The following SLC1A1 variants were observed in gnomAD, a reference collection of about 807,000 sequenced individuals.
SLC1A1 encodes the protein solute carrier family 1 member 1.
Under a neutral mutation model 53.3 loss-of-function variants are expected in SLC1A1, and 43 were observed. That is an observed-to-expected ratio of 0.81 (90% CI 0.63 to 1.04). The LOEUF is 1.04. SLC1A1 is among the 50% of genes least tolerant of loss of function. SLC1A1 has a pLI of 0.00. For missense variants in SLC1A1, 748 were observed against 664.9 expected, an observed-to-expected ratio of 1.12 and a Z score of -1.37; for synonymous variants, 307 against 243.2, an observed-to-expected ratio of 1.26 and a Z score of -2.44.
At chr9:4,550,969 A>G (rs1402277139) in intron 2 of SLC1A1, among the ~76,000 whole-genome samples, 1 of 152,238 alleles carries the variant, frequency 6.6e-6, no homozygotes, top group Non-Finnish European at 1.5e-5. Context: ...TTACAAAAAC[A>G]GGAGGCCAGC....
intron 1 of SLC1A1, among the ~76,000 whole-genome samples, chr9:4,511,599 A>T (rs965424616): frequency 6.8e-6 from 1 of 147,754 alleles, no homozygotes; most frequent in Non-Finnish European, 1.5e-5. Context: ...ACACACACAC[A>T]CTACACTACA....
Position 4,568,126 on chromosome 9 carries a change from G to A in SLC1A1, c.582+359G>A, listed in dbSNP as rs149257105. Among the ~76,000 whole-genome samples, 1,115 of 152,178 alleles carry A rather than the reference G, an allele frequency of 7.3e-3. 8 individuals carry two copies. The highest frequency in any genetic ancestry group is 0.025 in the African/African-American group (1,023 of 41,532). Reference sequence around the variant, plus strand: ...ATTTTTCTTGCTGATTTCGCTGTTTGAAATGGACCAAGGTGGGGTTCAGTG... The same window carrying A: ...ATTTTTCTTGCTGATTTCGCTGTTTAAAATGGACCAAGGTGGGGTTCAGTG... On this transcript the variant is annotated intron_variant, in intron 6 of 11. Coordinates refer to ENST00000262352, the MANE Select transcript of SLC1A1 (RefSeq NM_004170.6).
chr9:4,570,512 A>G (rs957305933), intron 6 of SLC1A1, among the ~76,000 whole-genome samples: 7 of 151,846 alleles, frequency 4.6e-5, no homozygotes, highest in Non-Finnish European at 8.8e-5. Flanking sequence ...CTGGGATTAC[A>G]GGCACGTGCC....
rs548691424 is a variant in SLC1A1, at chr9:4,577,624, C to T, written c.1193+861C>T. Among the ~76,000 whole-genome samples the T allele has an allele frequency of 7.8e-4, 119 of 152,232 alleles. 1 individual carries two copies. The highest frequency in any genetic ancestry group is 2.6e-3 in the African/African-American group (108 of 41,554). Reference sequence around the variant, plus strand: ...CTGAGTAGCTGGGACTACAGGCGTGCACCACCACACCTGGCTAATTTTTGA... The same window carrying T: ...CTGAGTAGCTGGGACTACAGGCGTGTACCACCACACCTGGCTAATTTTTGA... On this transcript the variant is annotated intron_variant, in intron 10 of 11. Coordinates refer to ENST00000262352, the MANE Select transcript of SLC1A1 (RefSeq NM_004170.6).
At chr9:4,536,132 G>C (rs1816664325) in intron 1 of SLC1A1, among the ~76,000 whole-genome samples, 1 of 152,124 alleles carries the variant, frequency 6.6e-6, no homozygotes, top group Non-Finnish European at 1.5e-5. Flanking sequence ...ACATCGGCAT[G>C]GGCAAGGACT....
intron 11 of SLC1A1, 79 bp from the exon 12 acceptor site, chr9:4,585,233 G>A: frequency 1.3e-6 from 2 of 1,577,112 alleles, no homozygotes; most frequent in Non-Finnish European, 1.7e-6. Flanking sequence ...AACTGAACAT[G>A]TCAGGTCCTT....
intron 1 of SLC1A1, among the ~76,000 whole-genome samples, chr9:4,491,296 C>T (rs1208610651): frequency 6.6e-6 from 1 of 152,168 alleles, no homozygotes; most frequent in Non-Finnish European, 1.5e-5. Flanking sequence ...TCATCCTGGG[C>T]AGTGCGTGGA....
intron 1 of SLC1A1, among the ~76,000 whole-genome samples, chr9:4,500,983 G>A (rs1420404183): frequency 6.6e-6 from 1 of 152,090 alleles, no homozygotes; most frequent in Non-Finnish European, 1.5e-5. Flanking sequence ...ACAGTGCCCT[G>A]TTCTCTACCA....
At chr9:4,565,971 T>C in intron 4 of SLC1A1, 76 bp from the exon 5 acceptor site, 1 of 1,107,450 alleles carries the variant, frequency 9.0e-7, no homozygotes, top group Non-Finnish European at 1.4e-6. Flanking sequence ...GTTATACTAA[T>C]TTCTACCAAT....
At chr9:4,544,770 C>A in intron 2 of SLC1A1, 63 bp downstream of exon 2, 1 of 1,318,976 alleles carries the variant, frequency 7.6e-7, no homozygotes, top group South Asian at 1.2e-5. Context: ...AAAGAACTTC[C>A]TGAGACTAGG....
rs1003613215 is a variant in SLC1A1, at chr9:4,556,763, T to C, written c.233-4686T>C. 6.6e-6 allele frequency among the ~76,000 whole-genome samples: 1 copy of C among 152,108 alleles called. No individual in the cohort carries two copies. Among genetic ancestry groups the C allele is most frequent in the African/African-American group, 2.4e-5 (1 of 41,406 alleles). On this transcript the variant is annotated intron_variant, in intron 2 of 11. Transcript: ENST00000262352. The surrounding 1 kb of genome is among the most constrained non-coding windows in gnomAD (Gnocchi z 4.1). Reference sequence around the variant, plus strand: ...TCGTCCCCAAGGCAGCAAAAGCTGTTTTTATTTGGTGGTGGTGAGTTGGGG... The same window carrying C: ...TCGTCCCCAAGGCAGCAAAAGCTGTCTTTATTTGGTGGTGGTGAGTTGGGG...
At chr9:4,570,693 G>T (rs1243064460) in intron 6 of SLC1A1, among the ~76,000 whole-genome samples, 2 of 152,036 alleles carry the variant, frequency 1.3e-5, no homozygotes, top group African/African-American at 4.8e-5. Context: ...TATAAACATA[G>T]TTGGCACCAC....
chr9:4,513,802 T>C (rs574673861), intron 1 of SLC1A1, among the ~76,000 whole-genome samples: 39 of 152,330 alleles, frequency 2.6e-4, no homozygotes, highest in African/African-American at 8.9e-4. Flanking sequence ...ACGAGTCAAA[T>C]ATTCTTCAAT....
intron 10 of SLC1A1, among the ~76,000 whole-genome samples, chr9:4,581,578 C>A (rs974543908): frequency 6.6e-6 from 1 of 152,198 alleles, no homozygotes; most frequent in Non-Finnish European, 1.5e-5. Flanking sequence ...GATCAGCTGG[C>A]ATGGACACAA....
chr9:4,499,694 A>T (rs1279993631), intron 1 of SLC1A1, among the ~76,000 whole-genome samples: 2 of 152,258 alleles, frequency 1.3e-5, no homozygotes, highest in Non-Finnish European at 2.9e-5. Flanking sequence ...GCCTCCTATG[A>T]GGAAGACTGA....
intron 1 of SLC1A1, among the ~76,000 whole-genome samples, chr9:4,501,094 T>C (rs539657350): frequency 1.3e-5 from 2 of 152,280 alleles, no homozygotes; most frequent in East Asian, 3.9e-4. Flanking sequence ...TCAGAGTCCC[T>C]AACCGTGTCC....
intron 1 of SLC1A1, among the ~76,000 whole-genome samples, chr9:4,518,833 T>A (rs1815958059): frequency 6.6e-6 from 1 of 152,234 alleles, no homozygotes; most frequent in Non-Finnish European, 1.5e-5. Context: ...CACTTTGTGA[T>A]TTATTGCATT....
At chr9:4,571,418 G>A (rs1448962759) in intron 6 of SLC1A1, among the ~76,000 whole-genome samples, 2 of 152,170 alleles carry the variant, frequency 1.3e-5, no homozygotes, top group Admixed American at 1.3e-4. Context: ...GCTCACACCT[G>A]TAATCCCAGC....
At chr9:4,497,124 A>AG (rs998239595) in intron 1 of SLC1A1, among the ~76,000 whole-genome samples, 28 of 23,214 alleles carry the variant, frequency 1.2e-3, no homozygotes, top group Non-Finnish European at 5.9e-3. Context: ...GGGTGGTTTT[A>AG]AAAAACAGAA....
Sources: allele counts gnomAD v4.1 joint callset (sites outside exome capture counted in the v4.1 genomes callset), GRCh38; gene constraint gnomAD v4.1.1; non-coding constraint Gnocchi (gnomAD v3.1); transcripts MANE v1.5; gene names NCBI Gene and HGNC (gene_info 2026-07-23, HGNC 2026-07-21).